Variants in ISL1 observed in about 807,000 individuals in gnomAD.
The protein encoded by ISL1 is insulin gene enhancer protein ISL-1.
Under a neutral mutation model 35.3 loss-of-function variants are expected in ISL1, and 4 were observed. The observed-to-expected ratio is 0.11, with a 90% CI of 0.06 to 0.26. ISL1 has a LOEUF of 0.26. Ranked by LOEUF, ISL1 falls within the 10% of genes least tolerant of loss-of-function variation. ISL1 has a pLI of 1.00. For synonymous variants in ISL1, 186 were observed against 172.3 expected (o/e 1.08, Z -0.62); for missense variants, 340 against 472.8 (o/e 0.72, Z 2.60).
chr5:51,388,705 C>T (rs1747410761), intron 3 of ISL1, among the ~76,000 whole-genome samples: 1 of 152,200 alleles, frequency 6.6e-6, no homozygotes, highest in African/African-American at 2.4e-5. Context: ...AACTATAGCC[C>T]TCCCTTACCC....
At position 51,387,091 on chromosome 5, in the gene ISL1, T is replaced by A. The variant is rs1414069060; in HGVS notation, c.219-399T>A. On this transcript the variant is annotated intron_variant, in intron 2 of 5. Transcript: ENST00000230658. The surrounding 1 kb of genome is among the most constrained non-coding windows in gnomAD (Gnocchi z 4.3). ...GGTGGCCACCAGAGTCTTTCTGGATTCCTTCCTGCCAAGATCTGCAAGATC... is the reference window on the plus strand; with the variant it reads ...GGTGGCCACCAGAGTCTTTCTGGATACCTTCCTGCCAAGATCTGCAAGATC... 6.6e-6 allele frequency among the ~76,000 whole-genome samples: 1 copy of A among 152,118 alleles called. No homozygotes were observed. The highest frequency in any genetic ancestry group is 1.9e-4 in the East Asian group (1 of 5,166).
chr5:51,389,556 GGCAAGCGAGCGA>G lies in ISL1; in HGVS notation c.479-87_479-76del. The G allele has an allele frequency of 1.8e-6, 2 of 1,133,496 alleles. No individual in the cohort carries two copies. The highest frequency in any genetic ancestry group is 4.3e-5 in the South Asian group (2 of 46,940). The allele number at this position is 1,133,496 out of a possible 1,614,324, so 70.2% of individuals were successfully genotyped here. ...GAGCAAGTAAGCGGGCGGGCGGGCG[GGCAAGCGAGCGA>G]GCGAGCGAGCGCGCGACCGCGGGCG... On this transcript the variant is annotated intron_variant, in intron 3 of 5. Coordinates refer to ENST00000230658, the MANE Select transcript of ISL1 (RefSeq NM_002202.3). This position sits in a 1 kb window ranked among gnomAD's most constrained non-coding sequence, Gnocchi z 5.0.
chr5:51,387,687 C>T lies in ISL1; in HGVS notation c.416C>T (p.Ala139Val). Residue 139 changes from alanine to valine, a missense_variant, in exon 3 of 6, where the codon GCC becomes GTC. Physicochemically the swap from Ala to Val is moderately conservative, Grantham distance 64. Transcript: ENST00000230658. This position sits in a 1 kb window ranked among gnomAD's most constrained non-coding sequence, Gnocchi z 4.3. ...CRADHDVVER[A>V]SLGAGDPLSP... ...GCAGACCACGATGTGGTGGAGAGGG[C>T]CAGTCTAGGCGCTGGCGACCCGCTC... 1 of 1,614,222 alleles carries T rather than the reference C, an allele frequency of 6.2e-7. No individual in the cohort carries two copies. Among genetic ancestry groups the T allele is most frequent in the Non-Finnish European group, 8.5e-7 (1 of 1,180,046 alleles).
rs768220738 is a variant in ISL1 at position 51,387,633 on chromosome 5, C to A, written c.362C>A (p.Ala121Glu). The A allele has an allele frequency of 6.2e-7, 1 of 1,614,236 alleles. No individual in the cohort carries two copies. Among genetic ancestry groups the A allele is most frequent in the Non-Finnish European group, 8.5e-7 (1 of 1,180,056 alleles). Reference protein sequence around the residue: ...SRQLIPGDEFALREDGLFCRA... With the variant: ...SRQLIPGDEFELREDGLFCRA... ...CAGCTCATCCCTGGGGACGAATTTG[C>A]GCTTCGGGAGGACGGTCTCTTCTGC... is the stretch of plus-strand genomic sequence containing the variant. Residue 121 changes from alanine to glutamate, a missense_variant, in exon 3 of 6, where the codon GCG (alanine) becomes GAG (glutamate). By Grantham distance (107) the Ala-to-Glu change is moderately radical. Transcript: ENST00000230658. The surrounding 1 kb of genome is among the most constrained non-coding windows in gnomAD (Gnocchi z 4.3).
At position 51,389,519 on chromosome 5, in the gene ISL1, T is replaced by C; in HGVS notation, c.479-127T>C. 2 of 800,670 alleles carry C rather than the reference T, an allele frequency of 2.5e-6. No homozygotes were observed. Among genetic ancestry groups the C allele is most frequent in the Non-Finnish European group, 3.5e-6 (2 of 575,106 alleles). 49.6% of individuals were successfully genotyped at this position (800,670 alleles called of 1,614,324 possible). ...CAAACCCTAGCCATTGTCCTGAGTATCTCGGGCGGGCGAGCAAGTAAGCGG... is the reference window on the plus strand; with the variant it reads ...CAAACCCTAGCCATTGTCCTGAGTACCTCGGGCGGGCGAGCAAGTAAGCGG... On this transcript the variant is annotated intron_variant, in intron 3 of 5. Coordinates refer to ENST00000230658, the MANE Select transcript of ISL1 (RefSeq NM_002202.3). The surrounding 1 kb of genome is among the most constrained non-coding windows in gnomAD (Gnocchi z 5.0).
intron 5 of ISL1, among the ~76,000 whole-genome samples, chr5:51,392,016 C>T (rs1217876415): frequency 6.6e-6 from 1 of 152,136 alleles, no homozygotes; most frequent in African/African-American, 2.4e-5. Flanking sequence ...CTTTTTGTTA[C>T]AGTATCCCTT....
rs1294048429 is a variant in ISL1 at position 51,387,391 on chromosome 5, G to A, written c.219-99G>A. The A allele has an allele frequency of 7.4e-7, 1 of 1,353,722 alleles. No homozygotes were observed. The highest frequency in any genetic ancestry group is 1.0e-6 in the Non-Finnish European group (1 of 963,898). The allele number at this position is 1,353,722 out of a possible 1,614,324, so 83.9% of individuals were successfully genotyped here. A position where few individuals can be genotyped will look rare whatever the true frequency, so the allele number is the denominator to read the frequency against. On this transcript the variant is annotated intron_variant, in intron 2 of 5. Transcript: ENST00000230658. This position sits in a 1 kb window ranked among gnomAD's most constrained non-coding sequence, Gnocchi z 4.3. The stretch of plus-strand genomic sequence containing the variant: ...GCTGTTTACTTGGGGCGTCTTGCCC[G>A]GGATCTTGGGCCAGGGAAGTGCCGG...
intron 2 of ISL1, among the ~76,000 whole-genome samples, chr5:51,385,161 G>T (rs1228271526): frequency 3.9e-5 from 6 of 152,158 alleles, no homozygotes; most frequent in Non-Finnish European, 7.4e-5. Flanking sequence ...ATTCTTTGGT[G>T]GCATCAATGC....
At chr5:51,384,417 A>T in intron 1 of ISL1, 124 bp from the exon 2 acceptor site, 1 of 765,706 alleles carries the variant, frequency 1.3e-6, no homozygotes, top group Non-Finnish European at 2.1e-6. Context: ...AAAAAAAAAA[A>T]AGAAAGAAAG....
chr5:51,393,448 AAT>A (rs1291173654), intron 5 of ISL1, 44 bp from the exon 6 acceptor site: 1 of 1,020,654 alleles, frequency 9.8e-7, no homozygotes, highest in Non-Finnish European at 1.6e-6. Context: ...TCTTTTTATG[AAT>A]ACTATTCCAG....
Position 51,384,551 on chromosome 5 carries a change from G to A in ISL1, c.39G>A (p.Leu13=), listed in dbSNP as rs189115217. ...DMGDPPKKKR[L]ISLCVGCGNQ... ...TTATTTTCATTTCAGAAAAACGTCTGATTTCCCTATGTGTTGGTTGCGGCA... is the reference window on the plus strand; with the variant it reads ...TTATTTTCATTTCAGAAAAACGTCTAATTTCCCTATGTGTTGGTTGCGGCA... The change falls in exon 2 of 6, where the codon CTG becomes CTA. Residue 13 remains leucine (L), a synonymous_variant. Transcript: ENST00000230658. 6 of 1,614,082 alleles carry A rather than the reference G, an allele frequency of 3.7e-6. No individual in the cohort carries two copies. Among genetic ancestry groups the A allele is most frequent in the African/African-American group, 2.7e-5 (2 of 75,044 alleles).
At position 51,383,459 on chromosome 5, in the gene ISL1, C is replaced by G. The variant is rs370591252; in HGVS notation, c.-213C>G. ...GCCCGAGCCGCGCCGAGTCTGCCGC[C>G]GCCGCAGCGCCTCCGCTCCGCCAAC... On this transcript the variant is annotated 5_prime_UTR_variant, in exon 1 of 6. Transcript: ENST00000230658. The G allele has an allele frequency of 1.6e-6, 1 of 618,758 alleles. No homozygotes were observed. Among genetic ancestry groups the G allele is most frequent in the South Asian group, 1.9e-5 (1 of 51,926 alleles). 38.3% of individuals were successfully genotyped at this position (618,758 alleles called of 1,614,324 possible).
chr5:51,389,540 AGCGGGCGG>A lies in ISL1; in HGVS notation c.479-95_479-88del. On this transcript the variant is annotated intron_variant, in intron 3 of 5. Transcript: ENST00000230658. The surrounding 1 kb of genome is among the most constrained non-coding windows in gnomAD (Gnocchi z 5.0). Reference sequence around the variant, plus strand: ...AGTATCTCGGGCGGGCGAGCAAGTAAGCGGGCGGGCGGGCGGGCAAGCGAGCGAGCGAG... The same window carrying A: ...AGTATCTCGGGCGGGCGAGCAAGTAAGCGGGCGGGCAAGCGAGCGAGCGAG... 2 of 933,450 alleles carry A rather than the reference AGCGGGCGG, an allele frequency of 2.1e-6. No individual in the cohort carries two copies. Among genetic ancestry groups the A allele is most frequent in the Non-Finnish European group, 2.8e-6 (2 of 722,432 alleles). 57.8% of individuals were successfully genotyped at this position (933,450 alleles called of 1,614,324 possible).
rs1235191765 is a variant in ISL1, at chr5:51,387,625, C to T, written c.354C>T (p.Asp118=). 5.0e-6 allele frequency: 8 copies of T among 1,614,242 alleles called. No individual in the cohort carries two copies. Among genetic ancestry groups the T allele is most frequent in the Non-Finnish European group, 6.8e-6 (8 of 1,180,048 alleles). Residue 118 remains aspartate (D), a synonymous_variant, in exon 3 of 6, where the codon GAC becomes GAT. Coordinates refer to ENST00000230658, the MANE Select transcript of ISL1 (RefSeq NM_002202.3). The surrounding 1 kb of genome is among the most constrained non-coding windows in gnomAD (Gnocchi z 4.3). ...VACSRQLIPG[D]EFALREDGLF... is the part of the protein sequence containing the mutation. ...GCAGCCGCCAGCTCATCCCTGGGGACGAATTTGCGCTTCGGGAGGACGGTC... is the reference window on the plus strand; with the variant it reads ...GCAGCCGCCAGCTCATCCCTGGGGATGAATTTGCGCTTCGGGAGGACGGTC...
Position 51,393,636 on chromosome 5 carries a change from C to G in ISL1, c.*26C>G. On this transcript the variant is annotated 3_prime_UTR_variant, in exon 6 of 6. Transcript: ENST00000230658. ...GGAACATTCATTCTGTATTTTTTTT[C>G]CCTGTTGGAGAAAGTGGGAAATTAT... The G allele has an allele frequency of 1.4e-6, 2 of 1,420,094 alleles. No homozygotes were observed. Among genetic ancestry groups the G allele is most frequent in the Non-Finnish European group, 2.0e-6 (2 of 1,002,894 alleles). The allele number at this position is 1,420,094 out of a possible 1,614,324, so 88.0% of individuals were successfully genotyped here. A position where few individuals can be genotyped will look rare whatever the true frequency, so the allele number is the denominator to read the frequency against.
At chr5:51,393,351 C>A in intron 5 of ISL1, 143 bp from the exon 6 acceptor site, 1 of 686,152 alleles carries the variant, frequency 1.5e-6, no homozygotes, top group Non-Finnish European at 2.6e-6. Context: ...TTTCTCTAAG[C>A]CTGTTAAAAT....
chr5:51,390,232 A>G (rs1747460805), intron 4 of ISL1, among the ~76,000 whole-genome samples: 1 of 152,292 alleles, frequency 6.6e-6, no homozygotes, highest in Non-Finnish European at 1.5e-5. Context: ...TGAACCGGAG[A>G]AACGCCGTCC....
intron 2 of ISL1, chr5:51,386,376 C>CTGTGTGTGTGTGTG (rs3138746): frequency 3.9e-4 from 103 of 262,764 alleles, no homozygotes; most frequent in African/African-American, 2.1e-3. Context: ...TCTCTCAACT[C>CTGTGTGTGTGTGTG]TGTGTGTGTG....
chr5:51,394,340 C>T lies in ISL1; in HGVS notation c.*730C>T, dbSNP rs1747586920. 1.3e-5 allele frequency: 2 copies of T among 152,294 alleles called. No homozygotes were observed. The highest frequency in any genetic ancestry group is 2.4e-5 in the African/African-American group (1 of 41,252). 9.4% of individuals were successfully genotyped at this position (152,294 alleles called of 1,614,324 possible). A position where few individuals can be genotyped will look rare whatever the true frequency, so the allele number is the denominator to read the frequency against. On this transcript the variant is annotated 3_prime_UTR_variant, in exon 6 of 6. Coordinates refer to ENST00000230658, the MANE Select transcript of ISL1 (RefSeq NM_002202.3). ...GTTACCTCTATTTTGCCACAAGCGT[C>T]TCGGGATTGTGTTTGACTTGTGTCT...
Sources: allele counts gnomAD v4.1 joint callset (sites outside exome capture counted in the v4.1 genomes callset), GRCh38; gene constraint gnomAD v4.1.1; non-coding constraint Gnocchi (gnomAD v3.1); transcripts MANE v1.5; gene names NCBI Gene and HGNC (gene_info 2026-07-23, HGNC 2026-07-21).